ADARB2: variants seen among roughly 807,000 people sequenced by gnomAD.
The protein encoded by ADARB2 is adenosine deaminase RNA specific B2 (inactive).
In ADARB2, 25 loss-of-function variants were observed where a neutral mutation model predicts 62.2. The ratio of observed to expected loss-of-function variants is 0.40; its 90% CI spans 0.29 to 0.56. The LOEUF (loss-of-function observed/expected upper bound fraction) is 0.56, where lower values mean the gene tolerates loss of function less well. ADARB2 is among the 20% of genes least tolerant of loss of function. The pLI, the probability that ADARB2 is intolerant of heterozygous loss-of-function variation, is 0.43. For missense variants in ADARB2, 1,071 were observed against 1,077.4 expected, an observed-to-expected ratio of 0.99 and a Z score of 0.08; for synonymous variants, 572 against 500.8, an observed-to-expected ratio of 1.14 and a Z score of -1.90.
chr10:1,482,149 A>G (rs566485756), intron 1 of ADARB2, among the ~76,000 whole-genome samples: 1 of 152,386 alleles, frequency 6.6e-6, no homozygotes, highest in African/African-American at 2.4e-5. Context: ...CAGTGTGAAT[A>G]TAACGTGGTG....
chr10:1,277,355 G>A (rs556733549), intron 3 of ADARB2, among the ~76,000 whole-genome samples: 4 of 152,066 alleles, frequency 2.6e-5, no homozygotes, highest in African/African-American at 7.2e-5. Context: ...TTGATAGACC[G>A]CTAGCAAGAC....
chr10:1,470,084 G>GCCAGACCCTCTCCCAGGGTCATCTGA (rs1831301525), intron 1 of ADARB2, among the ~76,000 whole-genome samples: 1 of 149,192 alleles, frequency 6.7e-6, no homozygotes, highest in South Asian at 2.3e-4. Flanking sequence ...AGGTCATCCA[G>GCCAGACCCTCTCCCAGGGTCATCTGA]CCTGACCCTC....
At chr10:1,597,902 C>A (rs1363703488) in intron 1 of ADARB2, among the ~76,000 whole-genome samples, 3 of 152,252 alleles carry the variant, frequency 2.0e-5, no homozygotes, top group African/African-American at 7.2e-5. Flanking sequence ...TGAATAAAGA[C>A]AATGTGGTAC....
At chr10:1,317,577 C>A (rs1335521734) in intron 3 of ADARB2, among the ~76,000 whole-genome samples, 1 of 152,198 alleles carries the variant, frequency 6.6e-6, no homozygotes, top group Admixed American at 6.5e-5. Context: ...TTCTTAGGCG[C>A]TATCTTCTGG....
intron 3 of ADARB2, among the ~76,000 whole-genome samples, chr10:1,306,444 T>C (rs1399897084): frequency 6.6e-6 from 1 of 152,096 alleles, no homozygotes; most frequent in East Asian, 1.9e-4. Context: ...TCCATGCTCA[T>C]GGGTAGGAAG....
At chr10:1,536,455 A>G (rs1050918955) in intron 1 of ADARB2, among the ~76,000 whole-genome samples, 7 of 152,216 alleles carry the variant, frequency 4.6e-5, no homozygotes, top group Non-Finnish European at 7.3e-5. Context: ...TCCTCCCAGC[A>G]CAGTGTCACC....
chr10:1,704,445 T>G lies in ADARB2; in HGVS notation c.100+32606A>C, dbSNP rs1329299924. Among the ~76,000 whole-genome samples the G allele has an allele frequency of 6.6e-6, 1 of 152,180 alleles. No homozygotes were observed. Among genetic ancestry groups the G allele is most frequent in the Non-Finnish European group, 1.5e-5 (1 of 68,024 alleles). On this transcript the variant is annotated intron_variant, in intron 1 of 9. Coordinates refer to ENST00000381312, the MANE Select transcript of ADARB2 (RefSeq NM_018702.4). The surrounding 1 kb of genome is among the most constrained non-coding windows in gnomAD (Gnocchi z 5.6). ...AACCTGGATCCCTTACAAGCACAGT[T>G]AGCAATAGGATCCCCACTCCTATAG... is the stretch of plus-strand genomic sequence containing the variant.
intron 1 of ADARB2, among the ~76,000 whole-genome samples, chr10:1,657,316 T>C (rs1834184134): frequency 6.6e-6 from 1 of 152,200 alleles, no homozygotes; most frequent in African/African-American, 2.4e-5. Flanking sequence ...GGCTTGCTCA[T>C]TGCACACAGG....
At chr10:1,721,329 G>T (rs1835089842) in intron 1 of ADARB2, among the ~76,000 whole-genome samples, 1 of 152,226 alleles carries the variant, frequency 6.6e-6, no homozygotes, top group Non-Finnish European at 1.5e-5. Flanking sequence ...CCAAACGAAT[G>T]TTGACGTTGA....
rs543255395 is a variant in ADARB2 at position 1,570,096 on chromosome 10, C to A, written c.100+166955G>T. The stretch of plus-strand genomic sequence containing the variant: ...ATTTGTTGTCTCATTCACATACAAA[C>A]GTATATACGTTAAAATTACCTTAAA... On this transcript the variant is annotated intron_variant, in intron 1 of 9. Transcript: ENST00000381312. Among the ~76,000 whole-genome samples the A allele has an allele frequency of 8.5e-5, 13 of 152,080 alleles. No individual in the cohort carries two copies. The South Asian group carries it at 1.7e-3, about 19-fold the overall frequency.
chr10:1,510,081 TTCTCTC>T (rs775372060), intron 1 of ADARB2, among the ~76,000 whole-genome samples: 1 of 149,198 alleles, frequency 6.7e-6, no homozygotes. Context: ...TTCTTTCTCT[TTCTCTC>T]TCTCTCTCTT....
intron 1 of ADARB2, among the ~76,000 whole-genome samples, chr10:1,730,927 A>G (rs772112832): frequency 1.3e-5 from 2 of 152,232 alleles, no homozygotes; most frequent in South Asian, 4.1e-4. Context: ...CACCATCAAT[A>G]AAATAATACA....
At chr10:1,663,620 AT>A (rs55695844) in intron 1 of ADARB2, among the ~76,000 whole-genome samples, 4,845 of 148,310 alleles carry the variant, frequency 0.033, 118 homozygotes, top group East Asian at 0.072. Flanking sequence ...TGACAAATGA[AT>A]TTTTTTTTTT....
At chr10:1,187,733 C>T in intron 8 of ADARB2, 1 of 251,172 alleles carries the variant, frequency 4.0e-6, no homozygotes. Flanking sequence ...GTGAACCCAG[C>T]ACGTGCACTG....
chr10:1,614,841 G>A (rs537487308), intron 1 of ADARB2, among the ~76,000 whole-genome samples: 2 of 152,138 alleles, frequency 1.3e-5, no homozygotes, highest in South Asian at 4.2e-4. Context: ...AACCTGGGAG[G>A]CGGAGCTTGC....
intron 3 of ADARB2, among the ~76,000 whole-genome samples, chr10:1,304,650 A>G (rs1831608989): frequency 6.6e-6 from 1 of 150,656 alleles, no homozygotes; most frequent in South Asian, 2.1e-4. Context: ...AGCAAATGTA[A>G]AAGAACAGAC....
chr10:1,677,317 T>A (rs745900409), intron 1 of ADARB2, among the ~76,000 whole-genome samples: 1 of 152,222 alleles, frequency 6.6e-6, no homozygotes, highest in African/African-American at 2.4e-5. Context: ...GGACTTGTTT[T>A]AGGCTTGCAA....
rs543513095 is a variant in ADARB2, at chr10:1,480,481, T to G, written c.101-101321A>C. 4.6e-5 allele frequency among the ~76,000 whole-genome samples: 7 copies of G among 152,258 alleles called. No homozygotes were observed. In the East Asian group the frequency reaches 7.7e-4, roughly 17 times the overall value. On this transcript the variant is annotated intron_variant, in intron 1 of 9. Transcript: ENST00000381312. ...TGGGAGGCCAAGGCGGGCGGGTCAC[T>G]AGGTCAGGAGATTGAGACCATCCTG... is the stretch of plus-strand genomic sequence containing the variant.
chr10:1,568,033 A>T (rs1423140216), intron 1 of ADARB2, among the ~76,000 whole-genome samples: 1 of 152,204 alleles, frequency 6.6e-6, no homozygotes, highest in Non-Finnish European at 1.5e-5. Context: ...ATTCTCTCTA[A>T]CTCACAGGAA....
Sources: gnomAD v4.1 joint callset for allele counts (sites outside exome capture counted in the v4.1 genomes callset) on GRCh38, gnomAD v4.1.1 for gene constraint, Gnocchi (gnomAD v3.1) non-coding constraint, MANE v1.5 for transcripts, NCBI Gene and HGNC (gene_info 2026-07-23, HGNC 2026-07-21) for gene names.